Variants in ADCY2 observed in about 807,000 individuals in gnomAD.
The protein encoded by ADCY2 is adenylate cyclase 2.
In ADCY2, 31 loss-of-function variants were observed where a neutral mutation model predicts 125.2. The ratio of observed to expected loss-of-function variants is 0.25; its 90% CI spans 0.19 to 0.33. ADCY2 has a LOEUF of 0.33. ADCY2 is among the 10% of genes least tolerant of loss of function. The pLI, the probability that ADCY2 is intolerant of heterozygous loss-of-function variation, is 1.00. For synonymous variants in ADCY2, 512 were observed against 548.4 expected, an observed-to-expected ratio of 0.93 and a Z score of 0.93; for missense variants, 904 against 1,418.2, an observed-to-expected ratio of 0.64 and a Z score of 5.82.
chr5:7,810,660 G>T (rs557087559), intron 22 of ADCY2, among the ~76,000 whole-genome samples: 65 of 152,102 alleles, frequency 4.3e-4, no homozygotes, highest in African/African-American at 1.3e-3. Flanking sequence ...TTATCTACCT[G>T]GTAGGTGGGT....
chr5:7,637,569 GT>G (rs1406927029), intron 4 of ADCY2, among the ~76,000 whole-genome samples: 1 of 151,980 alleles, frequency 6.6e-6, no homozygotes, highest in East Asian at 1.9e-4. Context: ...TACTAAAAAG[GT>G]TTTAATCCAA....
chr5:7,733,984 T>C (rs1742177625), intron 14 of ADCY2, among the ~76,000 whole-genome samples: 1 of 139,704 alleles, frequency 7.2e-6, no homozygotes, highest in Non-Finnish European at 1.5e-5. Flanking sequence ...AACTTTTGAT[T>C]CTTTCTTTCT....
At position 7,767,601 on chromosome 5, in the gene ADCY2, C is replaced by T. The variant is rs144994237; in HGVS notation, c.2214+795C>T. Among the ~76,000 whole-genome samples the T allele has an allele frequency of 2.1e-3, 327 of 152,232 alleles. 4 individuals carry two copies. Among genetic ancestry groups the T allele is most frequent in the African/African-American group, 7.3e-3 (304 of 41,530 alleles). On this transcript the variant is annotated intron_variant, in intron 17 of 24. Coordinates refer to ENST00000338316, the MANE Select transcript of ADCY2 (RefSeq NM_020546.3). ...AATTCCTTACCAAAAATTTTAACTC[C>T]GTTAGCTTTGGCAATAGAGTGGATT...
intron 4 of ADCY2, among the ~76,000 whole-genome samples, chr5:7,635,082 G>A (rs1239052549): frequency 1.3e-5 from 2 of 152,210 alleles, no homozygotes; most frequent in Non-Finnish European, 2.9e-5. Context: ...AAACATAGGG[G>A]TCAGTGGGAC....
Position 7,709,168 on chromosome 5 carries a change from C to T in ADCY2, c.1402-43C>T. The T allele has an allele frequency of 6.5e-7, 1 of 1,549,144 alleles. No homozygotes were observed. The highest frequency in any genetic ancestry group is 8.7e-7 in the Non-Finnish European group (1 of 1,147,112). The stretch of plus-strand genomic sequence containing the variant: ...TCGATGCCAAAAGGATCATGTGTGG[C>T]CCTGTGCTGTGCCAGGTGTGATGCT... On this transcript the variant is annotated intron_variant, in intron 9 of 24. Coordinates refer to ENST00000338316, the MANE Select transcript of ADCY2 (RefSeq NM_020546.3). This position sits in a 1 kb window ranked among gnomAD's most constrained non-coding sequence, Gnocchi z 4.4.
rs576312801 is a variant in ADCY2 at position 7,580,120 on chromosome 5, C to T, written c.571-46047C>T. ...ACTAGAAGGGGAAAGGAGGAGGACA[C>T]CTGTTTAAAAACTAACTATGGGTAC... On this transcript the variant is annotated intron_variant, in intron 3 of 24. Coordinates refer to ENST00000338316, the MANE Select transcript of ADCY2 (RefSeq NM_020546.3). Among the ~76,000 whole-genome samples, 38 of 152,166 alleles carry T rather than the reference C, an allele frequency of 2.5e-4. No individual in the cohort carries two copies. The South Asian group carries it at 7.9e-3, about 32-fold the overall frequency.
chr5:7,650,327 A>G (rs1167699991), intron 4 of ADCY2, among the ~76,000 whole-genome samples: 2 of 152,076 alleles, frequency 1.3e-5, no homozygotes, highest in Non-Finnish European at 2.9e-5. Flanking sequence ...AAAACTGTCT[A>G]GAATGATAGC....
At chr5:7,568,911 A>G (rs887665960) in intron 3 of ADCY2, among the ~76,000 whole-genome samples, 1 of 152,172 alleles carries the variant, frequency 6.6e-6, no homozygotes, top group Non-Finnish European at 1.5e-5. Context: ...GAACATCTGT[A>G]GACTTCCCAT....
chr5:7,442,792 C>A (rs1741062736), intron 2 of ADCY2, among the ~76,000 whole-genome samples: 1 of 152,190 alleles, frequency 6.6e-6, no homozygotes, highest in African/African-American at 2.4e-5. Context: ...TTCTCAACAA[C>A]TGCTAATTTT....
chr5:7,448,632 C>T (rs1364311043), intron 2 of ADCY2, among the ~76,000 whole-genome samples: 1 of 152,090 alleles, frequency 6.6e-6, no homozygotes, highest in Non-Finnish European at 1.5e-5. Flanking sequence ...GTTGCTCTCC[C>T]TCCCCTACCC....
chr5:7,662,329 C>T (rs1561152066), intron 4 of ADCY2, among the ~76,000 whole-genome samples: 1 of 152,112 alleles, frequency 6.6e-6, no homozygotes, highest in African/African-American at 2.4e-5. Context: ...GGCGAATATA[C>T]CTCTCCTCAA....
At chr5:7,665,430 T>C in intron 4 of ADCY2, among the ~76,000 whole-genome samples, 1 of 152,134 alleles carries the variant, frequency 6.6e-6, no homozygotes, top group Non-Finnish European at 1.5e-5. Flanking sequence ...ACCCCACTCT[T>C]GCACCAGGCT....
intron 12 of ADCY2, among the ~76,000 whole-genome samples, chr5:7,722,105 G>A (rs956856599): frequency 6.6e-6 from 1 of 152,180 alleles, no homozygotes; most frequent in African/African-American, 2.4e-5. Flanking sequence ...GACCCGGTGT[G>A]CTTTGGCAAA....
At chr5:7,808,935 G>A (rs1308121793) in intron 22 of ADCY2, among the ~76,000 whole-genome samples, 1 of 152,224 alleles carries the variant, frequency 6.6e-6, no homozygotes. Context: ...GGGTAGAGTT[G>A]AAAGAGCATG....
intron 2 of ADCY2, among the ~76,000 whole-genome samples, chr5:7,470,409 C>CT (rs1394604758): frequency 6.6e-6 from 1 of 150,892 alleles, no homozygotes; most frequent in Non-Finnish European, 1.5e-5. Flanking sequence ...ATTTTTATTC[C>CT]TTTTTTCATA....
In ADCY2 at chr5:7,505,644, C is replaced by T. The variant is rs76578047; in HGVS notation, c.409-15094C>T. On this transcript the variant is annotated intron_variant, in intron 2 of 24. Transcript: ENST00000338316. ...TATGCATCTTTCCTATTGAGATTGTCCTCTTTCAGTAAGGAGAAAAGCAAA... is the reference window on the plus strand; with the variant it reads ...TATGCATCTTTCCTATTGAGATTGTTCTCTTTCAGTAAGGAGAAAAGCAAA... Among the ~76,000 whole-genome samples the T allele has an allele frequency of 9.5e-4, 145 of 152,264 alleles. 1 individual carries two copies. In the East Asian group the frequency reaches 0.026, roughly 28 times the overall value.
chr5:7,525,246 A>G (rs1734418216), intron 3 of ADCY2, among the ~76,000 whole-genome samples: 1 of 152,164 alleles, frequency 6.6e-6, no homozygotes, highest in Admixed American at 6.5e-5. Context: ...AGCTCAGGCA[A>G]TCCGCCAGCC....
chr5:7,620,923 A>C (rs1322129530), intron 3 of ADCY2, among the ~76,000 whole-genome samples: 1 of 151,124 alleles, frequency 6.6e-6, no homozygotes, highest in Admixed American at 6.6e-5. Flanking sequence ...TCATTAAGTG[A>C]TGGCATTTCC....
chr5:7,727,011 G>C (rs1741952986), intron 13 of ADCY2, among the ~76,000 whole-genome samples, 153 bp from the exon 14 acceptor site: 1 of 152,194 alleles, frequency 6.6e-6, no homozygotes, highest in East Asian at 1.9e-4. Context: ...ACTCATTGCT[G>C]AGATGAACAG....
Sources: allele counts gnomAD v4.1 joint callset (sites outside exome capture counted in the v4.1 genomes callset), GRCh38; gene constraint gnomAD v4.1.1; non-coding constraint Gnocchi (gnomAD v3.1); transcripts MANE v1.5; gene names NCBI Gene and HGNC (gene_info 2026-07-23, HGNC 2026-07-21).